SHB: variants seen among roughly 807,000 people sequenced by gnomAD.
SHB encodes the protein SH2 domain-containing adapter protein B.
SHB carries 20 observed loss-of-function variants against 52.3 expected under a neutral mutation model. The observed-to-expected ratio is 0.38, with a 90% confidence interval of 0.27 to 0.56. The LOEUF (loss-of-function observed/expected upper bound fraction) is 0.56. Ranked by LOEUF, SHB falls within the 20% of genes least tolerant of loss-of-function variation. The probability of loss-of-function intolerance (pLI) is 0.71; values close to 1 mark genes in which losing one functional copy is unlikely to be tolerated. For synonymous variants in SHB, 397 were observed against 316.5 expected (o/e 1.25, Z -2.70); for missense variants, 825 against 723.3 (o/e 1.14, Z -1.61).
chr9:38,006,519 G>A (rs1821077728), intron 2 of SHB, among the ~76,000 whole-genome samples: 1 of 152,198 alleles, frequency 6.6e-6, no homozygotes, highest in African/African-American at 2.4e-5. Flanking sequence ...ATCTTTTAAT[G>A]TCTCTCTGGG....
At chr9:37,944,881 C>T (rs539765626) in intron 5 of SHB, among the ~76,000 whole-genome samples, 1 of 151,658 alleles carries the variant, frequency 6.6e-6, no homozygotes, top group East Asian at 1.9e-4. Context: ...GGACTGCCCA[C>T]CCACATGCCA....
At chr9:37,936,892 G>C (rs532172478) in intron 5 of SHB, 1 of 152,310 alleles carries the variant, frequency 6.6e-6, no homozygotes, top group East Asian at 1.9e-4. Flanking sequence ...TAGGGAGGAA[G>C]GACACTGCAT....
At position 38,003,093 on chromosome 9, in the gene SHB, C is replaced by T. The variant is rs1199955781; in HGVS notation, c.838+12918G>A. ...TCCTAATTTCTGGGTGTAAATTAGA[C>T]AATAATTAAAAATATTGTCTAGTTT... is the stretch of plus-strand genomic sequence containing the variant. On this transcript the variant is annotated intron_variant, in intron 2 of 5. Coordinates refer to ENST00000377707, the MANE Select transcript of SHB (RefSeq NM_003028.3). Among the ~76,000 whole-genome samples, 3 of 152,178 alleles carry T rather than the reference C, an allele frequency of 2.0e-5. No individual in the cohort carries two copies. In the East Asian group the frequency reaches 5.8e-4, roughly 29 times the overall value.
At chr9:38,041,571 G>T (rs966453668) in intron 1 of SHB, among the ~76,000 whole-genome samples, 2 of 152,132 alleles carry the variant, frequency 1.3e-5, no homozygotes, top group Non-Finnish European at 2.9e-5. Flanking sequence ...TAAAACTTCG[G>T]TGAGTTCGGG....
intron 4 of SHB, among the ~76,000 whole-genome samples, chr9:37,951,870 G>A (rs1832570173): frequency 6.6e-6 from 1 of 152,270 alleles, no homozygotes. Flanking sequence ...GGAGGCTGGA[G>A]ACTAGGAGTC....
chr9:37,961,533 T>C (rs1424409899), intron 3 of SHB, among the ~76,000 whole-genome samples: 1 of 152,224 alleles, frequency 6.6e-6, no homozygotes, highest in East Asian at 1.9e-4. Context: ...TTTGATGTAA[T>C]GATGCAACTT....
At chr9:37,957,508 C>T (rs879504376) in intron 3 of SHB, among the ~76,000 whole-genome samples, 4 of 152,340 alleles carry the variant, frequency 2.6e-5, no homozygotes, top group Middle Eastern at 3.4e-3. Flanking sequence ...GGAAGGGAGG[C>T]TCTTGCCAAC....
intron 3 of SHB, among the ~76,000 whole-genome samples, chr9:37,971,306 G>T (rs969850052): frequency 2.0e-5 from 3 of 152,142 alleles, no homozygotes; most frequent in Admixed American, 1.3e-4. Flanking sequence ...CTGCACTTCT[G>T]GTTTTACACA....
intron 5 of SHB, 105 bp from the exon 6 acceptor site, chr9:37,920,109 G>A: frequency 4.5e-6 from 4 of 893,324 alleles, no homozygotes; most frequent in Non-Finnish European, 7.1e-6. Flanking sequence ...GCCATGAAGT[G>A]GCTGTGAGCT....
chr9:37,953,486 G>A (rs1832591281), intron 4 of SHB, among the ~76,000 whole-genome samples: 1 of 152,012 alleles, frequency 6.6e-6, no homozygotes, highest in Non-Finnish European at 1.5e-5. Flanking sequence ...TGATGGTAAT[G>A]ATGGAGGAAG....
At chr9:38,038,459 A>G (rs1821519298) in intron 1 of SHB, among the ~76,000 whole-genome samples, 1 of 151,962 alleles carries the variant, frequency 6.6e-6, no homozygotes. Flanking sequence ...CAAACTGGAG[A>G]CTCTGGGACA....
chr9:37,995,801 C>T (rs1820939342), intron 2 of SHB, among the ~76,000 whole-genome samples: 2 of 152,146 alleles, frequency 1.3e-5, no homozygotes, highest in South Asian at 4.1e-4. Context: ...ATCTATTCTG[C>T]AGAGAAGGTC....
intron 2 of SHB, among the ~76,000 whole-genome samples, chr9:38,001,751 G>A (rs1390642706): frequency 6.6e-6 from 1 of 152,232 alleles, no homozygotes; most frequent in African/African-American, 2.4e-5. Flanking sequence ...CCACATCCTT[G>A]CTGGCAGAAA....
intron 1 of SHB, among the ~76,000 whole-genome samples, chr9:38,043,656 G>A (rs529553220): frequency 2.7e-4 from 41 of 152,272 alleles, no homozygotes; most frequent in Middle Eastern, 3.4e-3. Context: ...TTGGGAGGCC[G>A]AGGCGGGGGG....
chr9:38,009,256 G>A (rs1260491371), intron 2 of SHB, among the ~76,000 whole-genome samples: 1 of 152,216 alleles, frequency 6.6e-6, no homozygotes, highest in Non-Finnish European at 1.5e-5. Context: ...ACAGCAGCAT[G>A]CATGCTTTTG....
chr9:37,999,432 A>G (rs973424266), intron 2 of SHB, among the ~76,000 whole-genome samples: 4 of 152,220 alleles, frequency 2.6e-5, no homozygotes, highest in African/African-American at 7.2e-5. Flanking sequence ...ATGCAAAATG[A>G]CAGCTGTTTC....
intron 4 of SHB, among the ~76,000 whole-genome samples, chr9:37,951,033 G>A (rs1054709141): frequency 1.8e-4 from 27 of 152,158 alleles, no homozygotes; most frequent in Admixed American, 3.9e-4. Flanking sequence ...CAAACCACCC[G>A]TCCCCATGCA....
rs1486342028 is a variant in SHB at position 37,918,746 on chromosome 9, CAGAT to C, written c.*1071_*1074del. ...CCAAATACCTCCCAGGTGGTGCTAA[CAGAT>C]AGTGGGGAGAGAGCCCTTTGTAGCC... On this transcript the variant is annotated 3_prime_UTR_variant, in exon 6 of 6. Coordinates refer to ENST00000377707, the MANE Select transcript of SHB (RefSeq NM_003028.3). 1.3e-5 allele frequency among the ~76,000 whole-genome samples: 2 copies of C among 152,222 alleles called. No individual in the cohort carries two copies. The highest frequency in any genetic ancestry group is 2.4e-5 in the African/African-American group (1 of 41,462).
At chr9:37,926,512 C>T (rs1015377711) in intron 5 of SHB, among the ~76,000 whole-genome samples, 2 of 152,168 alleles carry the variant, frequency 1.3e-5, no homozygotes, top group African/African-American at 4.8e-5. Context: ...GAAACAGAGT[C>T]AGAGGGCTCA....
Sources: allele counts gnomAD v4.1 joint callset (sites outside exome capture counted in the v4.1 genomes callset), GRCh38; gene constraint gnomAD v4.1.1; transcripts MANE v1.5; gene names NCBI Gene and HGNC (gene_info 2026-07-23, HGNC 2026-07-21).